The following RSRC2 variants were observed in gnomAD, a reference collection of about 807,000 sequenced individuals.
RSRC2 encodes arginine/serine-rich coiled-coil protein 2.
Under a neutral mutation model 61.3 loss-of-function variants are expected in RSRC2, and 5 were observed. That is an observed-to-expected ratio of 0.08 (90% confidence interval 0.04 to 0.17). RSRC2 has a LOEUF of 0.17. Ranked by LOEUF, RSRC2 falls within the 10% of genes least tolerant of loss-of-function variation. The pLI is 1.00. For synonymous variants in RSRC2, 202 were observed against 166.5 expected (o/e 1.21, Z -1.64); for missense variants, 381 against 518.8 (o/e 0.73, Z 2.58).
rs758135313 is a variant in RSRC2 at position 122,518,933 on chromosome 12, G to T, written c.304C>A (p.Leu102Ile). ...EHSSDKGRER[L>I]NSSENGEDRH... is the part of the protein sequence containing the mutation. Reference sequence around the variant, plus strand: ...TCCTCACCATTTTCAGATGAATTTAGTCGCTCTCTTCCTTTATCAGAAGAA... The same window carrying T: ...TCCTCACCATTTTCAGATGAATTTATTCGCTCTCTTCCTTTATCAGAAGAA... The change falls in exon 4 of 10, where the codon CTA (leucine) becomes ATA (isoleucine). Residue 102 changes from leucine to isoleucine, a missense_variant. By Grantham distance (5) the Leu-to-Ile change is conservative. Coordinates refer to ENST00000331738, the MANE Select transcript of RSRC2 (RefSeq NM_023012.6). 6.2e-7 allele frequency: 1 copy of T among 1,614,008 alleles called. No individual in the cohort carries two copies. Among genetic ancestry groups the T allele is most frequent in the Admixed American group, 1.7e-5 (1 of 60,010 alleles).
intron 7 of RSRC2, 52 bp downstream of exon 7, chr12:122,511,057 A>G (rs1958469221): frequency 7.3e-7 from 1 of 1,374,192 alleles, no homozygotes; most frequent in Non-Finnish European, 1.0e-6. Context: ...AAAAACAAAA[A>G]AGCTTGAAAG....
intron 6 of RSRC2, among the ~76,000 whole-genome samples, chr12:122,512,510 C>T (rs1958603194): frequency 6.6e-6 from 1 of 152,008 alleles, no homozygotes; most frequent in South Asian, 2.1e-4. Context: ...GGTGGATCAC[C>T]TGAGGTCAGG....
At position 122,516,089 on chromosome 12, in the gene RSRC2, C is replaced by A. The variant is rs991619218; in HGVS notation, c.603-862G>T. Among the ~76,000 whole-genome samples, 7 of 152,146 alleles carry A rather than the reference C, an allele frequency of 4.6e-5. No individual in the cohort carries two copies. In the East Asian group the frequency reaches 5.8e-4, roughly 13 times the overall value. Reference sequence around the variant, plus strand: ...AGTAGTAAACTACTATAAACTAGAACCACTGAGTAAAAATTCATATTGATT... The same window carrying A: ...AGTAGTAAACTACTATAAACTAGAAACACTGAGTAAAAATTCATATTGATT... On this transcript the variant is annotated intron_variant, in intron 5 of 9. Transcript: ENST00000331738.
intron 9 of RSRC2, among the ~76,000 whole-genome samples, 161 bp from the exon 10 acceptor site, chr12:122,505,867 C>T (rs1443614043): frequency 6.6e-6 from 1 of 151,996 alleles, no homozygotes; most frequent in Non-Finnish European, 1.5e-5. Flanking sequence ...CAACCTCTGC[C>T]TCCTGGGTTT....
intron 8 of RSRC2, 190 bp downstream of exon 8, chr12:122,508,028 T>A: frequency 1.5e-6 from 1 of 645,732 alleles, no homozygotes; most frequent in South Asian, 1.7e-5. Context: ...GGTCTTGGAC[T>A]CCTTACCTCA....
chr12:122,512,278 T>C (rs1417195648), intron 6 of RSRC2, among the ~76,000 whole-genome samples: 1 of 152,234 alleles, frequency 6.6e-6, no homozygotes, highest in Non-Finnish European at 1.5e-5. Flanking sequence ...AGGAACTCTT[T>C]TCTTCCTAAG....
chr12:122,522,174 T>C lies in RSRC2; in HGVS notation c.132A>G (p.Arg44=). The C allele has an allele frequency of 6.2e-7, 1 of 1,612,844 alleles. No individual in the cohort carries two copies. The highest frequency in any genetic ancestry group is 8.5e-7 in the Non-Finnish European group (1 of 1,179,706). ...RASKHHYSRS[R]SRSRERKRKS... is the part of the protein sequence containing the mutation. ...TTCGTTTTCTTTCTCTTGACCTTGA[T>C]CGTGATCTTGAATAATGATGTTTTG... is the stretch of plus-strand genomic sequence containing the variant. Residue 44 remains arginine, a synonymous_variant, in exon 2 of 10, where the codon CGA becomes CGG. Coordinates refer to ENST00000331738, the MANE Select transcript of RSRC2 (RefSeq NM_023012.6).
chr12:122,517,711 A>T (rs905589453), intron 4 of RSRC2, among the ~76,000 whole-genome samples: 2 of 152,242 alleles, frequency 1.3e-5, no homozygotes, highest in East Asian at 1.9e-4. Flanking sequence ...CTCTTCCCAC[A>T]GTAGTTACAA....
chr12:122,506,525 G>C (rs1958124246), intron 9 of RSRC2: 1 of 235,314 alleles, frequency 4.2e-6, no homozygotes, highest in African/African-American at 2.3e-5. Context: ...TGGAAGGACT[G>C]CTTGAGCCTC....
In RSRC2 at chr12:122,509,461, C is replaced by T. The variant is rs534375275; in HGVS notation, c.806-1014G>A. On this transcript the variant is annotated intron_variant, in intron 7 of 9. Coordinates refer to ENST00000331738, the MANE Select transcript of RSRC2 (RefSeq NM_023012.6). ...TGAGCCTCCGTCTCAAAAAAAAAAA[C>T]AAAAACAAAAACAAAAAAAAACCCA... Among the ~76,000 whole-genome samples, 38 of 148,032 alleles carry T rather than the reference C, an allele frequency of 2.6e-4. No homozygotes were observed. In the South Asian group the frequency reaches 5.2e-3, roughly 20 times the overall value.
rs1187496822 is a variant in RSRC2, at chr12:122,505,490, A to C, written c.*37T>G. On this transcript the variant is annotated 3_prime_UTR_variant, in exon 10 of 10. Coordinates refer to ENST00000331738, the MANE Select transcript of RSRC2 (RefSeq NM_023012.6). ...ACAAGGACGTGACATCAGAACAAGAAGTCTATAAGTCCCAAACTTTACAAG... is the reference window on the plus strand; with the variant it reads ...ACAAGGACGTGACATCAGAACAAGACGTCTATAAGTCCCAAACTTTACAAG... 1 of 1,588,192 alleles carries C rather than the reference A, an allele frequency of 6.3e-7. No individual in the cohort carries two copies. Among genetic ancestry groups the C allele is most frequent in the Non-Finnish European group, 8.6e-7 (1 of 1,161,276 alleles).
At chr12:122,511,854 T>A (rs564378608) in intron 6 of RSRC2, among the ~76,000 whole-genome samples, 1 of 152,336 alleles carries the variant, frequency 6.6e-6, no homozygotes, top group East Asian at 1.9e-4. Context: ...TTGCCCAGGC[T>A]GGAGTGCAAT....
At chr12:122,510,994 C>A in intron 7 of RSRC2, 115 bp downstream of exon 7, 1 of 698,728 alleles carries the variant, frequency 1.4e-6, no homozygotes, top group East Asian at 2.7e-5. Context: ...GGCTACCATG[C>A]GCTATGCTGG....
In RSRC2 at chr12:122,503,899, G is replaced by GT. The variant is rs540460652; in HGVS notation, c.*1627dup. ...GGAATTCAAGACCAACCTGGGCAACGTAACAAGACCTTGTCTTTATAAAAA... is the reference window on the plus strand; with the variant it reads ...GGAATTCAAGACCAACCTGGGCAACGTTAACAAGACCTTGTCTTTATAAAAA... On this transcript the variant is annotated 3_prime_UTR_variant, in exon 10 of 10. Coordinates refer to ENST00000331738, the MANE Select transcript of RSRC2 (RefSeq NM_023012.6). 768 of 151,976 alleles carry GT rather than the reference G, an allele frequency of 5.1e-3. 3 individuals carry two copies. The highest frequency in any genetic ancestry group is 0.01 in the Middle Eastern group (3 of 296). 9.4% of individuals were successfully genotyped at this position (151,976 alleles called of 1,614,324 possible).
chr12:122,508,402 G>A lies in RSRC2; in HGVS notation c.851C>T (p.Ala284Val). ...CTGAGGTGTTACTTGTGTTCCTGAT[G>A]CCAACAGGGCAGCAACATTGAGAAC... ...GSVLNVAALL[A>V]SGTQVTPQIA... Residue 284 changes from alanine to valine, a missense_variant, in exon 8 of 10, where the codon GCA (alanine) becomes GTA (valine). Ala to Val is a moderately conservative substitution (Grantham distance 64). This residue lies in a region of RSRC2 where 78 missense variants were observed against 183.0 expected (regional missense o/e 0.43). Transcript: ENST00000331738. 6.2e-7 allele frequency: 1 copy of A among 1,614,182 alleles called. No individual in the cohort carries two copies. The highest frequency in any genetic ancestry group is 1.3e-5 in the African/African-American group (1 of 75,058).
chr12:122,519,075 A>C (rs779989305), intron 3 of RSRC2, 46 bp from the exon 4 acceptor site: 1 of 1,541,700 alleles, frequency 6.5e-7, no homozygotes, highest in South Asian at 1.1e-5. Flanking sequence ...AGTGCAACAA[A>C]GAGAGTTAGT....
rs751404072 is a variant in RSRC2, at chr12:122,518,935, C to T, written c.302G>A (p.Arg101Gln). 1.2e-6 allele frequency: 2 copies of T among 1,613,964 alleles called. No individual in the cohort carries two copies. Among genetic ancestry groups the T allele is most frequent in the South Asian group, 1.1e-5 (1 of 91,072 alleles). Residue 101 changes from arginine to glutamine, a missense_variant, in exon 4 of 10, where the codon CGA becomes CAA. Around this residue, in one of 4 missense-constraint regions of RSRC2, gnomAD observed 266 missense variants for 270.5 expected, o/e 0.98. Coordinates refer to ENST00000331738, the MANE Select transcript of RSRC2 (RefSeq NM_023012.6). The part of the protein sequence containing the change: ...KEHSSDKGRE[R>Q]LNSSENGEDR... ...CTCACCATTTTCAGATGAATTTAGT[C>T]GCTCTCTTCCTTTATCAGAAGAATG...
In RSRC2 at chr12:122,513,102, C is replaced by T. The variant is rs147475385; in HGVS notation, c.726-1914G>A. On this transcript the variant is annotated intron_variant, in intron 6 of 9. Transcript: ENST00000331738. Reference sequence around the variant, plus strand: ...CCCAGCTTCTTGGGAGGCTGAGGCACGAGAATTGCCTGAACCCAGAAGGCA... The same window carrying T: ...CCCAGCTTCTTGGGAGGCTGAGGCATGAGAATTGCCTGAACCCAGAAGGCA... 6.6e-3 allele frequency among the ~76,000 whole-genome samples: 993 copies of T among 151,378 alleles called. 8 individuals carry two copies. The highest frequency in any genetic ancestry group is 0.03 in the South Asian group (145 of 4,792).
At position 122,518,902 on chromosome 12, in the gene RSRC2, T is replaced by C. The variant is rs1451973354; in HGVS notation, c.335A>G (p.His112Arg). ...LNSSENGEDR[H>R]KRKERKSSRG... ...TGATGACTTTCTTTCTTTGCGTTTGTGCCTGTCCTCACCATTTTCAGATGA... is the reference window on the plus strand; with the variant it reads ...TGATGACTTTCTTTCTTTGCGTTTGCGCCTGTCCTCACCATTTTCAGATGA... Residue 112 changes from histidine to arginine, a missense_variant, in exon 4 of 10, where the codon CAC becomes CGC. Physicochemically the swap from His to Arg is conservative, Grantham distance 29. Coordinates refer to ENST00000331738, the MANE Select transcript of RSRC2 (RefSeq NM_023012.6). The C allele has an allele frequency of 6.2e-7, 1 of 1,614,154 alleles. No homozygotes were observed. Among genetic ancestry groups the C allele is most frequent in the East Asian group, 2.2e-5 (1 of 44,872 alleles).
Sources: gnomAD v4.1 joint callset for allele counts (sites outside exome capture counted in the v4.1 genomes callset) on GRCh38, gnomAD v4.1.1 for gene constraint, gnomAD v4.1.1 regional missense constraint, MANE v1.5 for transcripts, NCBI Gene and HGNC (gene_info 2026-07-23, HGNC 2026-07-21) for gene names.